The following GRK3 variants were observed in gnomAD, a reference collection of about 807,000 sequenced individuals.
GRK3 encodes the protein G protein-coupled receptor kinase 3, also known as adrenergic, beta, receptor kinase 2.
GRK3 carries 54 observed loss-of-function variants against 95.7 expected under a neutral mutation model. The observed-to-expected ratio is 0.56, with a 90% CI of 0.45 to 0.71. The LOEUF (loss-of-function observed/expected upper bound fraction) is 0.71. Ranked by LOEUF, GRK3 falls within the 30% of genes least tolerant of loss-of-function variation. GRK3 has a pLI of 0.00. For synonymous variants in GRK3, 281 were observed against 290.8 expected (o/e 0.97, Z 0.34); for missense variants, 649 against 851.2 (o/e 0.76, Z 2.96).
rs1401268478 is a variant in GRK3, at chr22:25,722,708, C to A, written c.*258C>A. 4 of 357,096 alleles carry A rather than the reference C, an allele frequency of 1.1e-5. No homozygotes were observed. Among genetic ancestry groups the A allele is most frequent in the Non-Finnish European group, 2.0e-5 (4 of 196,960 alleles). The allele number at this position is 357,096 out of a possible 1,614,324, so 22.1% of individuals were successfully genotyped here. On this transcript the variant is annotated 3_prime_UTR_variant, in exon 21 of 21. Coordinates refer to ENST00000324198, the MANE Select transcript of GRK3 (RefSeq NM_005160.4). ...TATGAACCTAGAACTTGAAGTGACTCCTACTTATCACGTAAATTTTTATGT... is the reference window on the plus strand; with the variant it reads ...TATGAACCTAGAACTTGAAGTGACTACTACTTATCACGTAAATTTTTATGT...
rs28738755 is a variant in GRK3, at chr22:25,596,200, A to G, written c.114-8177A>G. Among the ~76,000 whole-genome samples the G allele has an allele frequency of 6.6e-3, 1,005 of 152,348 alleles. 13 individuals are homozygous for G. Among genetic ancestry groups the G allele is most frequent in the African/African-American group, 0.022 (930 of 41,570 alleles). ...GCTTCTGGAACACTTCTTCAAGAGT[A>G]TTCATGGGGAAAAATGAGAGTCGTG... On this transcript the variant is annotated intron_variant, in intron 1 of 20. Transcript: ENST00000324198.
In GRK3 at chr22:25,623,123, G is replaced by A. The variant is rs1198194108; in HGVS notation, c.190+18670G>A. The stretch of plus-strand genomic sequence containing the variant: ...CATGTGGCTAATTTTTGTATTTTTT[G>A]TAGAGACGGGGTATCTCCATGTTGT... On this transcript the variant is annotated intron_variant, in intron 2 of 20. Transcript: ENST00000324198. 3.3e-5 allele frequency among the ~76,000 whole-genome samples: 5 copies of A among 151,996 alleles called. No individual in the cohort carries two copies. In the East Asian group the frequency reaches 9.7e-4, roughly 29 times the overall value.
intron 1 of GRK3, among the ~76,000 whole-genome samples, chr22:25,601,355 G>A (rs535252872): frequency 6.6e-6 from 1 of 152,256 alleles, no homozygotes; most frequent in Admixed American, 6.5e-5. Context: ...ATAACAGAAA[G>A]ATAACTGGAA....
At chr22:25,609,727 A>G (rs750378429) in intron 2 of GRK3, among the ~76,000 whole-genome samples, 6 of 152,146 alleles carry the variant, frequency 3.9e-5, no homozygotes, top group Non-Finnish European at 8.8e-5. Flanking sequence ...CATTAAAGGC[A>G]TTTCATTTTA....
intron 1 of GRK3, among the ~76,000 whole-genome samples, chr22:25,589,845 G>A (rs1179113267): frequency 4.6e-5 from 7 of 152,198 alleles, no homozygotes; most frequent in African/African-American, 1.7e-4. Flanking sequence ...GGTGGAAGGT[G>A]AAGGAGGAGC....
intron 1 of GRK3, among the ~76,000 whole-genome samples, chr22:25,593,019 C>T (rs117522190): frequency 0.023 from 3,444 of 152,172 alleles, 62 homozygotes; most frequent in Middle Eastern, 0.068. Flanking sequence ...AATATAGTAT[C>T]CCATGGTGTA....
chr22:25,591,689 A>G (rs1932496433), intron 1 of GRK3, among the ~76,000 whole-genome samples: 2 of 152,226 alleles, frequency 1.3e-5, no homozygotes, highest in Admixed American at 1.3e-4. Flanking sequence ...ATTTTTTATT[A>G]TACCACATGC....
At chr22:25,598,311 A>T (rs1218709716) in intron 1 of GRK3, among the ~76,000 whole-genome samples, 1 of 152,184 alleles carries the variant, frequency 6.6e-6, no homozygotes, top group East Asian at 1.9e-4. Context: ...ATTGAATCAT[A>T]AGAAGAAGGC....
chr22:25,614,288 C>T (rs989090789), intron 2 of GRK3, among the ~76,000 whole-genome samples: 1 of 152,138 alleles, frequency 6.6e-6, no homozygotes, highest in African/African-American at 2.4e-5. Flanking sequence ...CATGCGCCAA[C>T]ATGCCTGGCT....
chr22:25,704,590 T>C (rs2085285387), intron 15 of GRK3, among the ~76,000 whole-genome samples: 1 of 152,174 alleles, frequency 6.6e-6, no homozygotes, highest in Admixed American at 6.5e-5. Flanking sequence ...TTTGCATTTT[T>C]AGTAGAGACG....
chr22:25,606,180 C>T (rs2084445070), intron 2 of GRK3, among the ~76,000 whole-genome samples: 2 of 152,212 alleles, frequency 1.3e-5, no homozygotes, highest in African/African-American at 2.4e-5. Flanking sequence ...TCTCACTGGG[C>T]GCTGATGGGC....
intron 20 of GRK3, 36 bp downstream of exon 20, chr22:25,721,433 T>C: frequency 1.7e-6 from 2 of 1,200,814 alleles, no homozygotes; most frequent in Non-Finnish European, 2.4e-6. Flanking sequence ...AATGTTAGAA[T>C]AATTAAATAT....
At position 25,587,866 on chromosome 22, in the gene GRK3, C is replaced by T. The variant is rs149944306; in HGVS notation, c.114-16511C>T. Among the ~76,000 whole-genome samples the T allele has an allele frequency of 5.0e-3, 768 of 152,274 alleles. 3 individuals carry two copies. The highest frequency in any genetic ancestry group is 0.017 in the African/African-American group (724 of 41,530). ...TGTAAGACGTACCCTTTGCCTTCCA[C>T]CATGATTGTGAGGCCTCCCCAGCCA... On this transcript the variant is annotated intron_variant, in intron 1 of 20. Transcript: ENST00000324198.
intron 2 of GRK3, among the ~76,000 whole-genome samples, chr22:25,633,991 G>T (rs1204985086): frequency 6.6e-6 from 1 of 151,940 alleles, no homozygotes; most frequent in Non-Finnish European, 1.5e-5. Flanking sequence ...AGCTTTTAAG[G>T]TCTTTCAATA....
At chr22:25,637,862 CAGATGAAGT>C (rs1250193910) in intron 2 of GRK3, among the ~76,000 whole-genome samples, 3 of 152,162 alleles carry the variant, frequency 2.0e-5, no homozygotes, top group East Asian at 3.9e-4. Flanking sequence ...GCTGATGGTG[CAGATGAAGT>C]CTGGAGGCAG....
Position 25,564,995 on chromosome 22 carries a change from T to G in GRK3, c.-46T>G. 3.9e-6 allele frequency: 3 copies of G among 777,448 alleles called. No homozygotes were observed. Among genetic ancestry groups the G allele is most frequent in the Non-Finnish European group, 5.5e-6 (3 of 549,852 alleles). The allele number at this position is 777,448 out of a possible 1,614,324, so 48.2% of individuals were successfully genotyped here. On this transcript the variant is annotated 5_prime_UTR_variant, in exon 1 of 21. Coordinates refer to ENST00000324198, the MANE Select transcript of GRK3 (RefSeq NM_005160.4). ...GCGGCGGCGGCGGGCGCGCGTCCCGTCCAGGTCCGGAGTAACCGCCGCCGC... is the reference window on the plus strand; with the variant it reads ...GCGGCGGCGGCGGGCGCGCGTCCCGGCCAGGTCCGGAGTAACCGCCGCCGC...
chr22:25,628,312 A>C (rs978249098), intron 2 of GRK3, among the ~76,000 whole-genome samples: 1 of 151,506 alleles, frequency 6.6e-6, no homozygotes, highest in Non-Finnish European at 1.5e-5. Flanking sequence ...GAAATAACAA[A>C]GTGTCCATAT....
chr22:25,621,776 G>A (rs1239920189), intron 2 of GRK3, among the ~76,000 whole-genome samples: 1 of 152,172 alleles, frequency 6.6e-6, no homozygotes, highest in Non-Finnish European at 1.5e-5. Flanking sequence ...ATACCTGTGA[G>A]TTGGGTGATC....
Position 25,711,166 on chromosome 22 carries a change from A to G in GRK3, c.1491+3A>G. The G allele has an allele frequency of 1.9e-6, 3 of 1,559,708 alleles. No individual in the cohort carries two copies. The highest frequency in any genetic ancestry group is 2.6e-6 in the Non-Finnish European group (3 of 1,138,804). ...AAGAGGATACCAAAGGGATTAAGGT[A>G]CACATGTGATCATTTATTTCTTTAT... On this transcript the variant is annotated splice_donor_region_variant and intron_variant, in intron 17 of 20. Transcript: ENST00000324198.
Sources: gnomAD v4.1 joint callset for allele counts (sites outside exome capture counted in the v4.1 genomes callset) on GRCh38, gnomAD v4.1.1 for gene constraint, MANE v1.5 for transcripts, NCBI Gene and HGNC (gene_info 2026-07-23, HGNC 2026-07-21) for gene names.